NDST4: variants seen among roughly 807,000 people sequenced by gnomAD.
The protein encoded by NDST4 is N-deacetylase and N-sulfotransferase 4.
In NDST4, 63 loss-of-function variants were observed where a neutral mutation model predicts 100.8. The observed-to-expected ratio is 0.62, with a 90% CI of 0.51 to 0.77. The LOEUF is 0.77. Ranked by LOEUF, NDST4 falls within the 30% of genes least tolerant of loss-of-function variation. The probability of loss-of-function intolerance (pLI) is 0.00; values close to 1 mark genes in which losing one functional copy is unlikely to be tolerated. For missense variants in NDST4, 943 were observed against 1,018.4 expected (o/e 0.93, Z 1.01); for synonymous variants, 377 against 361.8 (o/e 1.04, Z -0.48).
chr4:115,107,995 TTTAGA>T (rs1304638492), intron 1 of NDST4, among the ~76,000 whole-genome samples: 1 of 152,054 alleles, frequency 6.6e-6, no homozygotes, highest in Non-Finnish European at 1.5e-5. Flanking sequence ...ACCATAATAC[TTTAGA>T]TAAGTTGGTA....
At chr4:114,894,321 T>A (rs1204629889) in intron 6 of NDST4, among the ~76,000 whole-genome samples, 1 of 152,338 alleles carries the variant, frequency 6.6e-6, no homozygotes, top group African/African-American at 2.4e-5. Flanking sequence ...ATCTATAAAT[T>A]ACTTTGGGCA....
chr4:115,094,052 A>T (rs1430695157), intron 1 of NDST4, among the ~76,000 whole-genome samples: 1 of 152,096 alleles, frequency 6.6e-6, no homozygotes, highest in East Asian at 1.9e-4. Flanking sequence ...AAAACAAGAT[A>T]AAGCAAACAT....
At chr4:114,913,749 AAC>A (rs1242897651) in intron 6 of NDST4, among the ~76,000 whole-genome samples, 1 of 147,066 alleles carries the variant, frequency 6.8e-6, no homozygotes, top group Non-Finnish European at 1.5e-5. Flanking sequence ...AAAAAAAAAA[AAC>A]ACTTTTATTT....
chr4:114,969,464 C>T (rs1726460511), intron 4 of NDST4, among the ~76,000 whole-genome samples: 1 of 151,978 alleles, frequency 6.6e-6, no homozygotes, highest in Non-Finnish European at 1.5e-5. Flanking sequence ...TTTTTCCATC[C>T]TCTCCCTCCA....
chr4:114,946,831 T>G (rs1725876835), intron 4 of NDST4, among the ~76,000 whole-genome samples: 1 of 152,208 alleles, frequency 6.6e-6, no homozygotes, highest in African/African-American at 2.4e-5. Flanking sequence ...ATAAAAACAT[T>G]GTTATGATGA....
intron 2 of NDST4, among the ~76,000 whole-genome samples, chr4:115,004,857 C>T (rs887849097): frequency 1.6e-4 from 24 of 152,022 alleles, no homozygotes; most frequent in African/African-American, 5.3e-4. Flanking sequence ...GCTTTTTCTA[C>T]CACAAAATTA....
At chr4:115,086,297 T>C (rs1729409134) in intron 1 of NDST4, among the ~76,000 whole-genome samples, 1 of 152,102 alleles carries the variant, frequency 6.6e-6, no homozygotes, top group Non-Finnish European at 1.5e-5. Context: ...ACATAAATCA[T>C]AAATTTTTCA....
At position 115,082,284 on chromosome 4, in the gene NDST4, C is replaced by T. The variant is rs552703315; in HGVS notation, c.-246-5002G>A. On this transcript the variant is annotated intron_variant, in intron 1 of 13. Transcript: ENST00000264363. Reference sequence around the variant, plus strand: ...GTTTTATATATCTGTTATAAGATTGCCTTTTGACATTTTCAAAATGTGTTT... The same window carrying T: ...GTTTTATATATCTGTTATAAGATTGTCTTTTGACATTTTCAAAATGTGTTT... Among the ~76,000 whole-genome samples, 13 of 152,120 alleles carry T rather than the reference C, an allele frequency of 8.5e-5. 1 individual carries two copies. In the East Asian group the frequency reaches 2.1e-3, roughly 25 times the overall value.
intron 4 of NDST4, among the ~76,000 whole-genome samples, chr4:114,946,444 C>T (rs959356442): frequency 4.6e-5 from 7 of 152,002 alleles, no homozygotes; most frequent in Middle Eastern, 3.4e-3. Flanking sequence ...TCAAGGGGTA[C>T]GGGTTGCAAA....
At chr4:114,843,218 A>G (rs1314063539) in intron 10 of NDST4, among the ~76,000 whole-genome samples, 1 of 152,250 alleles carries the variant, frequency 6.6e-6, no homozygotes, top group Non-Finnish European at 1.5e-5. Flanking sequence ...AAACACTTAC[A>G]GGAACCACCA....
chr4:114,985,372 C>A (rs1176744054), intron 2 of NDST4, among the ~76,000 whole-genome samples: 1 of 152,160 alleles, frequency 6.6e-6, no homozygotes, highest in Non-Finnish European at 1.5e-5. Flanking sequence ...TTCATTCATT[C>A]ATTCAAACAA....
intron 1 of NDST4, among the ~76,000 whole-genome samples, chr4:115,081,062 A>T (rs1034725568): frequency 6.6e-6 from 1 of 151,838 alleles, no homozygotes; most frequent in Non-Finnish European, 1.5e-5. Context: ...TTGCATATTT[A>T]GACTATCTCC....
intron 1 of NDST4, among the ~76,000 whole-genome samples, chr4:115,111,505 T>C (rs1307871611): frequency 2.0e-5 from 3 of 151,636 alleles, no homozygotes; most frequent in African/African-American, 7.2e-5. Flanking sequence ...TATTTAAAAT[T>C]ACACATTTCT....
intron 4 of NDST4, among the ~76,000 whole-genome samples, chr4:114,954,159 A>G (rs1025217971): frequency 1.3e-5 from 2 of 152,088 alleles, no homozygotes; most frequent in African/African-American, 4.8e-5. Flanking sequence ...TGCTAGTAAT[A>G]TTTTATGTTA....
At chr4:114,906,243 A>G (rs1196359996) in intron 6 of NDST4, among the ~76,000 whole-genome samples, 1 of 152,088 alleles carries the variant, frequency 6.6e-6, no homozygotes, top group Non-Finnish European at 1.5e-5. Context: ...ATATTTAGAA[A>G]GAAAAATTGT....
chr4:114,976,028 T>C (rs1359989948), intron 3 of NDST4, among the ~76,000 whole-genome samples: 1 of 152,092 alleles, frequency 6.6e-6, no homozygotes, highest in Non-Finnish European at 1.5e-5. Context: ...ATTTTCCTTC[T>C]ATTACTTTAA....
intron 2 of NDST4, among the ~76,000 whole-genome samples, chr4:115,001,269 T>C (rs1357811305): frequency 1.3e-5 from 2 of 152,124 alleles, no homozygotes; most frequent in Non-Finnish European, 2.9e-5. Flanking sequence ...TGCCTTGCCT[T>C]GATCAAGGGG....
intron 6 of NDST4, among the ~76,000 whole-genome samples, chr4:114,910,217 AG>A (rs929656670): frequency 1.3e-5 from 2 of 152,184 alleles, no homozygotes; most frequent in African/African-American, 2.4e-5. Flanking sequence ...ATGAAGGAAT[AG>A]GGGGAAAATT....
At chr4:114,877,956 G>GA (rs773927783) in intron 6 of NDST4, among the ~76,000 whole-genome samples, 146 of 130,422 alleles carry the variant, frequency 1.1e-3, no homozygotes, top group African/African-American at 3.7e-3. Flanking sequence ...AAGAGGAGAG[G>GA]AAAAAAAAAA....
Sources: allele counts gnomAD v4.1 joint callset (sites outside exome capture counted in the v4.1 genomes callset), GRCh38; gene constraint gnomAD v4.1.1; transcripts MANE v1.5; gene names NCBI Gene and HGNC (gene_info 2026-07-23, HGNC 2026-07-21).